MEIOC: variants seen among roughly 807,000 people sequenced by gnomAD.
The protein encoded by MEIOC is meiosis specific with coiled-coil domain, also known as meiosis-specific coiled-coil domain-containing protein MEIOC.
In MEIOC, 9 loss-of-function variants were observed where a neutral mutation model predicts 85.3. That is an observed-to-expected ratio of 0.11 (90% CI 0.06 to 0.18). The LOEUF is 0.18. MEIOC is among the 10% of genes least tolerant of loss of function. The pLI is 1.00. For missense variants in MEIOC, 898 were observed against 1,129.4 expected, an observed-to-expected ratio of 0.80 and a Z score of 2.94; for synonymous variants, 365 against 393.7, an observed-to-expected ratio of 0.93 and a Z score of 0.86.
intron 2 of MEIOC, among the ~76,000 whole-genome samples, chr17:44,657,852 C>T (rs1209050455): frequency 7.2e-6 from 1 of 138,048 alleles, no homozygotes; most frequent in East Asian, 2.3e-4. Context: ...CGCGTCCAGC[C>T]GTTTTGTTTT....
At position 44,673,543 on chromosome 17, in the gene MEIOC, A is replaced by G; in HGVS notation, c.2635A>G (p.Arg879Gly). 6.5e-7 allele frequency: 1 copy of G among 1,543,910 alleles called. No individual in the cohort carries two copies. The highest frequency in any genetic ancestry group is 8.7e-7 in the Non-Finnish European group (1 of 1,144,182). The change falls in exon 7 of 8, where the codon AGA (arginine) becomes GGA (glycine). Residue 879 changes from arginine (R) to glycine (G), a missense_variant. Physicochemically the swap from Arg to Gly is moderately radical, Grantham distance 125. Coordinates refer to ENST00000409122, the MANE Select transcript of MEIOC (RefSeq NM_001145080.3). ...AGGAGTTCCTAGATGCCAAGATGAC[A>G]GAGGTACAAATATTAATGCATATTC... ...RQGVPRCQDD[R>G]DVFALASAIK...
intron 1 of MEIOC, 30 bp downstream of exon 1, chr17:44,656,712 G>C (rs1292822033): frequency 2.6e-5 from 38 of 1,473,072 alleles, no homozygotes; most frequent in Non-Finnish European, 1.8e-6. Context: ...AGGGTCCAGG[G>C]GGCGGCCAGA....
rs1568134093 is a variant in MEIOC at position 44,666,983 on chromosome 17, C to G, written c.1072C>G (p.Pro358Ala). ...QDSKKLANGT[P>A]ETPTVEADTY... ...TAGCAAAAAATTAGCCAATGGCACA[C>G]CTGAAACACCAACTGTAGAAGCAGA... The change falls in exon 5 of 8, where the codon CCT becomes GCT. Residue 358 changes from proline to alanine, a missense_variant. By Grantham distance (27) the Pro-to-Ala change is conservative. Around this residue, in one of 2 missense-constraint regions of MEIOC, gnomAD observed 734 missense variants for 860.1 expected, o/e 0.85. Coordinates refer to ENST00000409122, the MANE Select transcript of MEIOC (RefSeq NM_001145080.3). The G allele has an allele frequency of 6.2e-7, 1 of 1,613,328 alleles. No individual in the cohort carries two copies. Among genetic ancestry groups the G allele is most frequent in the Non-Finnish European group, 8.5e-7 (1 of 1,179,580 alleles).
intron 5 of MEIOC, 98 bp from the exon 6 acceptor site, chr17:44,669,285 G>C: frequency 1.1e-6 from 1 of 898,498 alleles, no homozygotes; most frequent in Non-Finnish European, 1.7e-6. Flanking sequence ...TTCATTTAAA[G>C]TGGTAATACT....
rs1394656854 is a variant in MEIOC, at chr17:44,674,157, C to A, written c.2820C>A (p.Ser940Arg). 1.8e-5 allele frequency: 28 copies of A among 1,551,384 alleles called. No individual in the cohort carries two copies. In the African/African-American group the frequency reaches 3.3e-4, roughly 18 times the overall value. Residue 940 changes from serine (S) to arginine (R), a missense_variant, in exon 8 of 8, where the codon AGC (serine) becomes AGA (arginine). This residue lies in a region of MEIOC where 164 missense variants were observed against 269.2 expected (regional missense o/e 0.61). Coordinates refer to ENST00000409122, the MANE Select transcript of MEIOC (RefSeq NM_001145080.3). Reference protein sequence around the residue: ...EDKVHESINSSNPMNQRGETN... With the variant: ...EDKVHESINSRNPMNQRGETN... The stretch of plus-strand genomic sequence containing the variant: ...AAGTCCATGAAAGCATAAATAGTAG[C>A]AATCCAATGAACCAGAGAGGTGAAA...
chr17:44,676,110 T>TA (rs1248585388), downstream of MEIOC: 6 of 152,154 alleles, frequency 3.9e-5, no homozygotes, highest in Non-Finnish European at 7.4e-5. Flanking sequence ...ACCAAACACT[T>TA]AAAAAAATTC....
Position 44,657,676 on chromosome 17 carries a change from C to G in MEIOC, c.204+415C>G, listed in dbSNP as rs1460656875. ...TCAAGTTATTCTCCTGCCTCAGCCT[C>G]CGGAGTAGCTGGGATTACAGGCATG... On this transcript the variant is annotated intron_variant, in intron 2 of 7. Transcript: ENST00000409122. Among the ~76,000 whole-genome samples the G allele has an allele frequency of 2.0e-5, 3 of 151,752 alleles. No homozygotes were observed. In the East Asian group the frequency reaches 5.8e-4, roughly 30 times the overall value.
intron 5 of MEIOC, among the ~76,000 whole-genome samples, 185 bp downstream of exon 5, chr17:44,668,418 T>C (rs541521968): frequency 7.9e-5 from 12 of 152,302 alleles, no homozygotes; most frequent in African/African-American, 2.4e-4. Flanking sequence ...CATAGTTTAC[T>C]GTAACCAAAC....
chr17:44,660,689 A>G (rs114889005), intron 2 of MEIOC, among the ~76,000 whole-genome samples: 254 of 152,230 alleles, frequency 1.7e-3, no homozygotes, highest in African/African-American at 5.8e-3. Context: ...TTAAGGAAGC[A>G]TTTTCTAGAA....
At chr17:44,672,286 A>G (rs978095722) in intron 6 of MEIOC, among the ~76,000 whole-genome samples, 3 of 152,090 alleles carry the variant, frequency 2.0e-5, no homozygotes, top group Non-Finnish European at 2.9e-5. Context: ...CCCAGCCCCA[A>G]TTTGCACATT....
At chr17:44,673,659 G>C in intron 7 of MEIOC, 113 bp downstream of exon 7, 1 of 886,154 alleles carries the variant, frequency 1.1e-6, no homozygotes, top group Non-Finnish European at 1.7e-6. Flanking sequence ...CTTACCTACA[G>C]AATAAATTGG....
At chr17:44,663,753 A>G (rs886838249) in intron 3 of MEIOC, among the ~76,000 whole-genome samples, 1 of 152,198 alleles carries the variant, frequency 6.6e-6, no homozygotes, top group Non-Finnish European at 1.5e-5. Context: ...ATACATAATT[A>G]CACAAAAAAG....
rs750699976 is a variant in MEIOC, at chr17:44,664,363, AAAAT to A, written c.360-1001_360-998del. Among the ~76,000 whole-genome samples, 909 of 152,194 alleles carry A rather than the reference AAAAT, an allele frequency of 6.0e-3. 10 individuals are homozygous for A. Among genetic ancestry groups the A allele is most frequent in the African/African-American group, 0.021 (860 of 41,510 alleles). On this transcript the variant is annotated intron_variant, in intron 3 of 7. Coordinates refer to ENST00000409122, the MANE Select transcript of MEIOC (RefSeq NM_001145080.3). ...GGGAACAGAGCGAGACTCCATCTCA[AAAAT>A]AAATAAATAAATAAATAAACAAACA...
intron 2 of MEIOC, among the ~76,000 whole-genome samples, chr17:44,658,530 C>T (rs968023981): frequency 7.3e-5 from 11 of 150,370 alleles, no homozygotes; most frequent in Non-Finnish European, 1.0e-4. Context: ...CGCCATGGCT[C>T]GTGCCTGTAA....
intron 3 of MEIOC, among the ~76,000 whole-genome samples, chr17:44,664,300 T>C (rs916550361): frequency 6.6e-6 from 1 of 152,074 alleles, no homozygotes; most frequent in Non-Finnish European, 1.5e-5. Flanking sequence ...AGGCGAAGGT[T>C]GCAGTGAGCA....
chr17:44,669,524 T>C lies in MEIOC; in HGVS notation c.2457+7T>C. 1.3e-6 allele frequency: 2 copies of C among 1,551,626 alleles called. No homozygotes were observed. The highest frequency in any genetic ancestry group is 1.7e-6 in the Non-Finnish European group (2 of 1,146,962). On this transcript the variant is annotated splice_region_variant and intron_variant, in intron 6 of 7. Transcript: ENST00000409122. ...ACTTCGAGAACTAGCCAGAGTAAGCTGTAAAAATAGATAACAGTGGATGGA... is the reference window on the plus strand; with the variant it reads ...ACTTCGAGAACTAGCCAGAGTAAGCCGTAAAAATAGATAACAGTGGATGGA...
chr17:44,671,421 G>A (rs1972007767), intron 6 of MEIOC, among the ~76,000 whole-genome samples: 1 of 151,946 alleles, frequency 6.6e-6, no homozygotes, highest in Admixed American at 6.6e-5. Context: ...ATGGTGGCAT[G>A]TGCCTATAGT....
intron 2 of MEIOC, among the ~76,000 whole-genome samples, chr17:44,661,437 T>G (rs1971839947): frequency 6.6e-6 from 1 of 152,098 alleles, no homozygotes; most frequent in African/African-American, 2.4e-5. Flanking sequence ...GAGATAATAC[T>G]CATGTCACAA....
In MEIOC at chr17:44,674,497, G is replaced by T; in HGVS notation, c.*301G>T. On this transcript the variant is annotated 3_prime_UTR_variant, in exon 8 of 8. Transcript: ENST00000409122. The stretch of plus-strand genomic sequence containing the variant: ...GTGCTTAAACTCATTCTGCCATGCA[G>T]GTAAATGCAAATGTGAAATTCTTCT... The T allele has an allele frequency of 9.3e-7, 1 of 1,070,466 alleles. No homozygotes were observed. Among genetic ancestry groups the T allele is most frequent in the African/African-American group, 1.6e-5 (1 of 60,614 alleles). The allele number at this position is 1,070,466 out of a possible 1,614,324, so 66.3% of individuals were successfully genotyped here. A position where few individuals can be genotyped will look rare whatever the true frequency, so the allele number is the denominator to read the frequency against.
Sources: gnomAD v4.1 joint callset for allele counts (sites outside exome capture counted in the v4.1 genomes callset) on GRCh38, gnomAD v4.1.1 for gene constraint, gnomAD v4.1.1 regional missense constraint, MANE v1.5 for transcripts, NCBI Gene and HGNC (gene_info 2026-07-23, HGNC 2026-07-21) for gene names.